Variants in ARHGEF3 observed in about 807,000 individuals in gnomAD.
ARHGEF3 encodes 59.8 kDA protein.
Under a neutral mutation model 63.2 loss-of-function variants are expected in ARHGEF3, and 28 were observed. The ratio of observed to expected loss-of-function variants is 0.44; its 90% CI spans 0.33 to 0.61. ARHGEF3 has a LOEUF of 0.61. Among genes scored for constraint, ARHGEF3 ranks in the 20% least tolerant of loss-of-function variants. The probability of loss-of-function intolerance (pLI) is 0.03; values close to 1 mark genes in which losing one functional copy is unlikely to be tolerated. For synonymous variants in ARHGEF3, 266 were observed against 254.2 expected (o/e 1.05, Z -0.44); for missense variants, 533 against 659.3 (o/e 0.81, Z 2.10).
At chr3:56,893,271 G>A (rs1406534154) in intron 3 of ARHGEF3, among the ~76,000 whole-genome samples, 1 of 152,108 alleles carries the variant, frequency 6.6e-6, no homozygotes, top group African/African-American at 2.4e-5. Flanking sequence ...TCGAACTCCT[G>A]AGCTCAAGGG....
chr3:56,930,724 C>A (rs530589136), intron 3 of ARHGEF3, among the ~76,000 whole-genome samples: 1 of 152,094 alleles, frequency 6.6e-6, no homozygotes, highest in Non-Finnish European at 1.5e-5. Flanking sequence ...GTCTTTAAAC[C>A]AAAACCCTAA....
intron 2 of ARHGEF3, among the ~76,000 whole-genome samples, chr3:57,009,008 G>T (rs540357601): frequency 1.1e-4 from 16 of 152,300 alleles, no homozygotes; most frequent in African/African-American, 3.8e-4. Context: ...TGGCAGATCT[G>T]GCCCCATGGG....
intron 2 of ARHGEF3, among the ~76,000 whole-genome samples, chr3:56,763,536 C>A (rs1301641079): frequency 6.6e-6 from 1 of 152,036 alleles, no homozygotes; most frequent in Non-Finnish European, 1.5e-5. Context: ...TAAAAGGGAA[C>A]CTTAAACAGT....
chr3:56,981,287 G>T (rs193132179), intron 2 of ARHGEF3, among the ~76,000 whole-genome samples: 63 of 152,342 alleles, frequency 4.1e-4, no homozygotes, highest in African/African-American at 1.3e-3. Flanking sequence ...GTTTGCACTG[G>T]AAGATGAGGC....
chr3:56,925,593 T>C (rs2042254259), intron 3 of ARHGEF3, among the ~76,000 whole-genome samples: 1 of 151,040 alleles, frequency 6.6e-6, no homozygotes, highest in African/African-American at 2.4e-5. Flanking sequence ...TGTCAGATGG[T>C]AGGCTAAGCT....
chr3:56,824,037 C>T (rs967775554), intron 4 of ARHGEF3, among the ~76,000 whole-genome samples: 35 of 147,436 alleles, frequency 2.4e-4, no homozygotes, highest in African/African-American at 6.3e-4. Context: ...GAAGGCTGTA[C>T]TAAAACCAGT....
intron 1 of ARHGEF3, among the ~76,000 whole-genome samples, chr3:56,800,730 T>C (rs2037605635): frequency 6.6e-6 from 1 of 152,124 alleles, no homozygotes; most frequent in South Asian, 2.1e-4. Flanking sequence ...GTGGTGATGT[T>C]TGATGTTCGC....
chr3:56,924,442 A>T (rs1248550663), intron 3 of ARHGEF3, among the ~76,000 whole-genome samples: 1 of 152,214 alleles, frequency 6.6e-6, no homozygotes, highest in Non-Finnish European at 1.5e-5. Context: ...GGGTTCTGGG[A>T]TCTCATGCAA....
chr3:56,773,655 C>T (rs983844157), intron 2 of ARHGEF3, 54 bp downstream of exon 2: 1 of 1,434,546 alleles, frequency 7.0e-7, no homozygotes, highest in Non-Finnish European at 9.4e-7. Flanking sequence ...TGGGGATGTT[C>T]CTTCCCGTAC....
At chr3:56,846,789 CCCTTCCTTTCCCTGT>C (rs796905810) in intron 4 of ARHGEF3, among the ~76,000 whole-genome samples, 53 of 152,270 alleles carry the variant, frequency 3.5e-4, no homozygotes, top group African/African-American at 1.3e-3. Flanking sequence ...CTCTTCCTTT[CCCTTCCTTTCCCTGT>C]CAAAGCTCTA....
intron 3 of ARHGEF3, among the ~76,000 whole-genome samples, chr3:56,931,701 A>AT (rs1390176423): frequency 6.6e-6 from 1 of 151,366 alleles, no homozygotes; most frequent in African/African-American, 2.4e-5. Flanking sequence ...CATATTAGGT[A>AT]TTTTTCTCTG....
chr3:56,753,609 T>C, intron 3 of ARHGEF3, 43 bp from the exon 4 acceptor site: 1 of 1,567,684 alleles, frequency 6.4e-7, no homozygotes, highest in Non-Finnish European at 8.8e-7. Flanking sequence ...CTCCCTTCAT[T>C]TACAAGACCA....
intron 3 of ARHGEF3, chr3:56,940,927 C>G (rs1361440732): frequency 6.6e-6 from 1 of 152,084 alleles, no homozygotes; most frequent in Non-Finnish European, 1.5e-5. Flanking sequence ...GTCTGAAGCC[C>G]CCAATCTGGC....
At chr3:57,007,973 C>A (rs1702532262) in intron 2 of ARHGEF3, among the ~76,000 whole-genome samples, 1 of 152,110 alleles carries the variant, frequency 6.6e-6, no homozygotes, top group Non-Finnish European at 1.5e-5. Context: ...TAGCTGGGCA[C>A]CTTGGGTTTG....
chr3:56,789,221 G>A (rs2036965149), intron 1 of ARHGEF3, among the ~76,000 whole-genome samples: 2 of 152,164 alleles, frequency 1.3e-5, no homozygotes, highest in African/African-American at 2.4e-5. Flanking sequence ...AGGTGGCCAA[G>A]TGCGGATTCA....
chr3:56,816,264 C>T (rs1240575475), intron 4 of ARHGEF3, among the ~76,000 whole-genome samples: 2 of 152,088 alleles, frequency 1.3e-5, no homozygotes, highest in African/African-American at 4.8e-5. Flanking sequence ...GCATGAGATG[C>T]TAAACCACAG....
intron 3 of ARHGEF3, among the ~76,000 whole-genome samples, chr3:56,922,546 A>C (rs2042171325): frequency 6.6e-6 from 1 of 152,326 alleles, no homozygotes; most frequent in Admixed American, 6.5e-5. Flanking sequence ...TTTTAAAAGT[A>C]ATCTGCCTAG....
At chr3:57,035,247 G>A (rs973925987) in intron 1 of ARHGEF3, 3 of 822,874 alleles carry the variant, frequency 3.6e-6, no homozygotes, top group African/African-American at 3.5e-5. Flanking sequence ...ACAAAGAGCT[G>A]CATTAAATAC....
intron 3 of ARHGEF3, among the ~76,000 whole-genome samples, chr3:56,907,884 GAC>G (rs910822603): frequency 2.6e-5 from 4 of 152,154 alleles, no homozygotes; most frequent in African/African-American, 9.7e-5. Context: ...AGGGTGGGAG[GAC>G]AGGGAGGATT....
Sources: allele counts gnomAD v4.1 joint callset (sites outside exome capture counted in the v4.1 genomes callset), GRCh38; gene constraint gnomAD v4.1.1; transcripts MANE v1.5; gene names NCBI Gene and HGNC (gene_info 2026-07-23, HGNC 2026-07-21).